The following DAB1 variants were observed in gnomAD, a reference collection of about 807,000 sequenced individuals.
DAB1 encodes the protein disabled homolog 1.
DAB1 carries 15 observed loss-of-function variants against 64.6 expected under a neutral mutation model. That is an observed-to-expected ratio of 0.23 (90% CI 0.16 to 0.36). DAB1 has a LOEUF of 0.36. DAB1 is among the 10% of genes least tolerant of loss of function. The pLI, the probability that DAB1 is intolerant of heterozygous loss-of-function variation, is 1.00. For missense variants in DAB1, 596 were observed against 706.7 expected, an observed-to-expected ratio of 0.84 and a Z score of 1.78; for synonymous variants, 235 against 251.9, an observed-to-expected ratio of 0.93 and a Z score of 0.64.
intron 1 of DAB1, among the ~76,000 whole-genome samples, chr1:57,872,096 T>A (rs1323187614): frequency 6.6e-6 from 1 of 152,176 alleles, no homozygotes; most frequent in Non-Finnish European, 1.5e-5. Context: ...ATGAAATGCT[T>A]ATCAGAATGC....
chr1:58,258,664 C>T (rs991875158), intron 4 of DAB1, among the ~76,000 whole-genome samples: 4 of 152,136 alleles, frequency 2.6e-5, no homozygotes, highest in South Asian at 2.1e-4. Flanking sequence ...TGGAGAAAGA[C>T]GAAGGTTTGG....
At chr1:58,267,126 A>G (rs756437866) in intron 4 of DAB1, among the ~76,000 whole-genome samples, 1 of 152,200 alleles carries the variant, frequency 6.6e-6, no homozygotes, top group Non-Finnish European at 1.5e-5. Flanking sequence ...AGGGTAGGAC[A>G]GGAGAATTGC....
chr1:57,171,080 G>A (rs1661708310), intron 2 of DAB1, among the ~76,000 whole-genome samples: 1 of 152,150 alleles, frequency 6.6e-6, no homozygotes, highest in Non-Finnish European at 1.5e-5. Context: ...AGAGTCAATG[G>A]ATGCAGTGCT....
intron 6 of DAB1, among the ~76,000 whole-genome samples, chr1:57,711,421 C>T (rs1570759333): frequency 6.6e-6 from 1 of 152,296 alleles, no homozygotes; most frequent in Non-Finnish European, 1.5e-5. Context: ...GGGAAAAGGC[C>T]TAGACTACTC....
intron 1 of DAB1, among the ~76,000 whole-genome samples, chr1:57,311,228 G>T (rs1420889335): frequency 1.3e-5 from 2 of 152,046 alleles, no homozygotes; most frequent in East Asian, 3.9e-4. Flanking sequence ...TAGGCAGGAT[G>T]ATGGAACAAA....
chr1:58,208,370 C>T (rs1028955995), intron 4 of DAB1, among the ~76,000 whole-genome samples: 1 of 152,068 alleles, frequency 6.6e-6, no homozygotes, highest in African/African-American at 2.4e-5. Flanking sequence ...GCGGAGATTT[C>T]TGAGATTTTG....
chr1:58,453,529 G>A (rs376613056), intron 3 of DAB1, among the ~76,000 whole-genome samples: 13 of 152,220 alleles, frequency 8.5e-5, no homozygotes, highest in East Asian at 3.9e-4. Context: ...CCTGCCTCTC[G>A]AAATTCCTCT....
chr1:57,571,799 T>C lies in DAB1; in HGVS notation n.625+77793A>G, dbSNP rs1230344373. Among the ~76,000 whole-genome samples, 3 of 152,256 alleles carry C rather than the reference T, an allele frequency of 2.0e-5. No individual in the cohort carries two copies. In the East Asian group the frequency reaches 5.8e-4, roughly 30 times the overall value. On this transcript the variant is annotated intron_variant and non_coding_transcript_variant, in intron 7 of 20. Transcript: ENST00000485760. ...AGAAATAAGCACTGCTAGAGTAAAT[T>C]TGGGATTTGGGTTCTAGCCCCAGGT... is the stretch of plus-strand genomic sequence containing the variant.
intron 2 of DAB1, among the ~76,000 whole-genome samples, chr1:57,215,578 A>C (rs1372972530): frequency 6.6e-6 from 1 of 152,172 alleles, no homozygotes; most frequent in Non-Finnish European, 1.5e-5. Flanking sequence ...TCTTTATAGA[A>C]ATCTACCAAA....
intron 6 of DAB1, among the ~76,000 whole-genome samples, chr1:57,802,181 G>A (rs12073088): frequency 0.15 from 22,280 of 152,222 alleles, 1,838 homozygotes; most frequent in East Asian, 0.25. Context: ...CTCCAACTTT[G>A]AGAACAACTT....
chr1:58,041,001 G>A (rs78455600), intron 5 of DAB1, among the ~76,000 whole-genome samples: 2 of 152,156 alleles, frequency 1.3e-5, no homozygotes, highest in African/African-American at 4.8e-5. Context: ...TCACCCCCTG[G>A]ATACATTACA....
At chr1:57,302,603 T>A (rs921805953) in intron 1 of DAB1, among the ~76,000 whole-genome samples, 1 of 152,136 alleles carries the variant, frequency 6.6e-6, no homozygotes, top group African/African-American at 2.4e-5. Context: ...TGGGATTTTT[T>A]TTTTTATTTT....
At chr1:57,150,340 G>C (rs958260791) in intron 2 of DAB1, among the ~76,000 whole-genome samples, 2 of 152,212 alleles carry the variant, frequency 1.3e-5, no homozygotes, top group African/African-American at 4.8e-5. Flanking sequence ...TACTGACACT[G>C]TTGTTACTAG....
intron 7 of DAB1, among the ~76,000 whole-genome samples, chr1:57,628,005 A>C (rs1465452985): frequency 6.6e-6 from 1 of 152,202 alleles, no homozygotes; most frequent in African/African-American, 2.4e-5. Flanking sequence ...GAAGGCTGTT[A>C]TAACTCCCCT....
At chr1:58,227,354 T>C (rs978482090) in intron 4 of DAB1, among the ~76,000 whole-genome samples, 4 of 152,164 alleles carry the variant, frequency 2.6e-5, no homozygotes, top group African/African-American at 9.7e-5. Flanking sequence ...CCAGTGGGCA[T>C]TGAAGACTGG....
chr1:57,237,575 A>G (rs1385840073), intron 2 of DAB1, among the ~76,000 whole-genome samples: 3 of 152,166 alleles, frequency 2.0e-5, no homozygotes, highest in African/African-American at 7.2e-5. Flanking sequence ...TACAAGAAAT[A>G]CTCTAAGCGA....
intron 4 of DAB1, chr1:58,343,211 G>T (rs1386879864): frequency 6.6e-6 from 1 of 151,820 alleles, no homozygotes; most frequent in Non-Finnish European, 1.5e-5. Flanking sequence ...CCACTGGGAT[G>T]CTGAGCTCTT....
chr1:58,100,709 T>C (rs1286622126), intron 5 of DAB1, among the ~76,000 whole-genome samples: 1 of 152,198 alleles, frequency 6.6e-6, no homozygotes, highest in Non-Finnish European at 1.5e-5. Flanking sequence ...ATTTTGATTA[T>C]TGAATATCAC....
At chr1:57,147,816 G>C (rs577522800) in intron 2 of DAB1, among the ~76,000 whole-genome samples, 2 of 152,106 alleles carry the variant, frequency 1.3e-5, no homozygotes, top group Admixed American at 6.5e-5. Flanking sequence ...AGGTAGGTAC[G>C]AGTATTCAGG....
Sources: allele counts gnomAD v4.1 joint callset (sites outside exome capture counted in the v4.1 genomes callset), GRCh38; gene constraint gnomAD v4.1.1; transcripts MANE v1.5; gene names NCBI Gene and HGNC (gene_info 2026-07-23, HGNC 2026-07-21).